MYPOP: variants seen among roughly 807,000 people sequenced by gnomAD.
The protein encoded by MYPOP is Myb related transcription factor, partner of profilin, also known as myb-related transcription factor, partner of profilin.
Under a neutral mutation model 25.7 loss-of-function variants are expected in MYPOP, and 21 were observed. The ratio of observed to expected loss-of-function variants is 0.82; its 90% CI spans 0.58 to 1.18. The LOEUF (loss-of-function observed/expected upper bound fraction) is 1.18, where lower values mean the gene tolerates loss of function less well. Ranked by LOEUF, MYPOP falls within the 50% of genes most tolerant of loss-of-function variation. The pLI, the probability that MYPOP is intolerant of heterozygous loss-of-function variation, is 0.00. For missense variants in MYPOP, 566 were observed against 588.3 expected, an observed-to-expected ratio of 0.96 and a Z score of 0.39; for synonymous variants, 280 against 247.9, an observed-to-expected ratio of 1.13 and a Z score of -1.22.
chr19:45,899,243 A>C (rs2146381388), intron 2 of MYPOP, among the ~76,000 whole-genome samples: 1 of 152,226 alleles, frequency 6.6e-6, no homozygotes, highest in Middle Eastern at 3.4e-3. Context: ...ACAAACAAAC[A>C]AGCAAACAAA....
At chr19:45,891,352 T>C in intron 2 of MYPOP, 29 bp from the exon 3 acceptor site, 8 of 1,438,628 alleles carry the variant, frequency 5.6e-6, no homozygotes, top group Non-Finnish European at 7.3e-6. Context: ...AGGTAAGGGG[T>C]GAGCGACCCT....
Position 45,892,744 on chromosome 19 carries a change from T to A in MYPOP, c.500-1421A>T, listed in dbSNP as rs58749413. 2.7e-3 allele frequency among the ~76,000 whole-genome samples: 409 copies of A among 152,186 alleles called. 1 individual carries two copies. Among genetic ancestry groups the A allele is most frequent in the African/African-American group, 9.4e-3 (391 of 41,522 alleles). On this transcript the variant is annotated intron_variant, in intron 2 of 2. Transcript: ENST00000322217. ...CGTCTCTGCCTTCAAATTAAATACA[T>A]ACAACTTCTTTCTTCCTGGTCCCCC...
Position 45,901,452 on chromosome 19 carries a change from C to G in MYPOP, c.322G>C (p.Ala108Pro). Residue 108 changes from alanine (A) to proline (P), a missense_variant, in exon 2 of 3, where the codon GCT becomes CCT. Physicochemically the swap from Ala to Pro is conservative, Grantham distance 27. Coordinates refer to ENST00000322217, the MANE Select transcript of MYPOP (RefSeq NM_001012643.4). This position sits in a 1 kb window ranked among gnomAD's most constrained non-coding sequence, Gnocchi z 5.7. ...TQGAGPAAED[A>P]FSAEEETIFA... ...ATGGTCTCCTCTTCCGCGGAGAAAG[C>G]GTCCTCCGCGGCGGGCCCGGCGCCC... 3 of 1,594,984 alleles carry G rather than the reference C, an allele frequency of 1.9e-6. No homozygotes were observed. Among genetic ancestry groups the G allele is most frequent in the South Asian group, 1.1e-5 (1 of 89,276 alleles).
In MYPOP at chr19:45,896,711, C is replaced by T. The variant is rs995160484; in HGVS notation, c.499+4564G>A. Among the ~76,000 whole-genome samples, 157 of 151,490 alleles carry T rather than the reference C, an allele frequency of 1.0e-3. 1 individual carries two copies. The highest frequency in any genetic ancestry group is 1.6e-3 in the Non-Finnish European group (109 of 67,810). Reference sequence around the variant, plus strand: ...CGCAATCTCGGCTCACTGCAAGCTCCGCTTCCCGGGTTCACGCCATTCTCC... The same window carrying T: ...CGCAATCTCGGCTCACTGCAAGCTCTGCTTCCCGGGTTCACGCCATTCTCC... On this transcript the variant is annotated intron_variant, in intron 2 of 2. Coordinates refer to ENST00000322217, the MANE Select transcript of MYPOP (RefSeq NM_001012643.4).
chr19:45,902,592 G>A lies in MYPOP; in HGVS notation c.-75C>T, dbSNP rs942736262. ...CACCGGCTCCGCCGCAGCCGCCGGT[G>A]GGTCAGGGCTCGGGCTTCTGCGGCC... On this transcript the variant is annotated 5_prime_UTR_variant, in exon 1 of 3. Coordinates refer to ENST00000322217, the MANE Select transcript of MYPOP (RefSeq NM_001012643.4). 2.6e-5 allele frequency: 4 copies of A among 152,240 alleles called. No homozygotes were observed. The highest frequency in any genetic ancestry group is 9.7e-5 in the African/African-American group (4 of 41,442). The allele number at this position is 152,240 out of a possible 1,614,324, so 9.4% of individuals were successfully genotyped here.
chr19:45,899,833 T>G (rs1001571189), intron 2 of MYPOP, among the ~76,000 whole-genome samples: 3 of 152,104 alleles, frequency 2.0e-5, no homozygotes, highest in African/African-American at 7.2e-5. Context: ...AGAGCAAGAC[T>G]CCGTCTCAAA....
intron 2 of MYPOP, among the ~76,000 whole-genome samples, chr19:45,898,821 A>C (rs1167183330): frequency 6.6e-6 from 1 of 152,090 alleles, no homozygotes; most frequent in African/African-American, 2.4e-5. Flanking sequence ...GCCCCCTTCC[A>C]TGACTCACCA....
In MYPOP at chr19:45,890,343, C is replaced by A. The variant is rs1413591293; in HGVS notation, c.*280G>T. On this transcript the variant is annotated 3_prime_UTR_variant, in exon 3 of 3. Transcript: ENST00000322217. ...GCAGACCCGAGAGGTTCCCTCCCCA[C>A]CCCACATAGGGCAATAATAAATAAC... is the stretch of plus-strand genomic sequence containing the variant. 7.7e-5 allele frequency: 28 copies of A among 362,236 alleles called. No individual in the cohort carries two copies. 22.4% of individuals were successfully genotyped at this position (362,236 alleles called of 1,614,324 possible). A position where few individuals can be genotyped will look rare whatever the true frequency, so the allele number is the denominator to read the frequency against.
rs533343589 is a variant in MYPOP, at chr19:45,901,178, G to A, written c.499+97C>T. On this transcript the variant is annotated intron_variant, in intron 2 of 2. Coordinates refer to ENST00000322217, the MANE Select transcript of MYPOP (RefSeq NM_001012643.4). This position sits in a 1 kb window ranked among gnomAD's most constrained non-coding sequence, Gnocchi z 5.7. ...TCCCTAGCTATAAAATGGGGCGAAGGACAGCATCCACCTCACAGGGCTGCA... is the reference window on the plus strand; with the variant it reads ...TCCCTAGCTATAAAATGGGGCGAAGAACAGCATCCACCTCACAGGGCTGCA... The A allele has an allele frequency of 6.8e-6, 8 of 1,175,734 alleles. No individual in the cohort carries two copies. The African/African-American group carries it at 9.6e-5, about 14-fold the overall frequency. The allele number at this position is 1,175,734 out of a possible 1,614,324, so 72.8% of individuals were successfully genotyped here. A position where few individuals can be genotyped will look rare whatever the true frequency, so the allele number is the denominator to read the frequency against.
rs1967301837 is a variant in MYPOP at position 45,901,833 on chromosome 19, C to A, written c.-52-8G>T. On this transcript the variant is annotated splice_polypyrimidine_tract_variant and splice_region_variant and intron_variant, in intron 1 of 2. Coordinates refer to ENST00000322217, the MANE Select transcript of MYPOP (RefSeq NM_001012643.4). The surrounding 1 kb of genome is among the most constrained non-coding windows in gnomAD (Gnocchi z 5.7). The stretch of plus-strand genomic sequence containing the variant: ...GCATGGGGGGCGCCGGCGCTGCGGG[C>A]AAAGGGCGCACGGGGCTGGCTGGGG... 7 of 1,308,924 alleles carry A rather than the reference C, an allele frequency of 5.3e-6. No individual in the cohort carries two copies. In the East Asian group the frequency reaches 1.3e-4, roughly 24 times the overall value. 81.1% of individuals were successfully genotyped at this position (1,308,924 alleles called of 1,614,324 possible).
chr19:45,902,372 G>A (rs1967314695), intron 1 of MYPOP, among the ~76,000 whole-genome samples, 198 bp downstream of exon 1: 1 of 152,106 alleles, frequency 6.6e-6, no homozygotes, highest in Non-Finnish European at 1.5e-5. Flanking sequence ...CTGTATCACT[G>A]GAAGAGCTGG....
chr19:45,899,314 C>T (rs1292263505), intron 2 of MYPOP, among the ~76,000 whole-genome samples: 1 of 152,184 alleles, frequency 6.6e-6, no homozygotes, highest in African/African-American at 2.4e-5. Context: ...TTATTCCCTG[C>T]ACCTACCACA....
At position 45,898,964 on chromosome 19, in the gene MYPOP, C is replaced by A. The variant is rs758379532; in HGVS notation, c.499+2311G>T. ...GCTCCAGGTCGGGTGTGGTGGCTCA[C>A]GCCTGTAATCCCAGCACTTTGGGTG... On this transcript the variant is annotated intron_variant, in intron 2 of 2. Transcript: ENST00000322217. Among the ~76,000 whole-genome samples, 3 of 152,108 alleles carry A rather than the reference C, an allele frequency of 2.0e-5. No homozygotes were observed. The South Asian group carries it at 6.2e-4, about 31-fold the overall frequency.
Position 45,901,372 on chromosome 19 carries a change from C to T in MYPOP, c.402G>A (p.Glu134=). The part of the protein sequence containing the change: ...VAAPGAGAGA[E]EPPAAPSSQP... ...GTGAAGAGGGGGCCGCAGGGGGCTC[C>T]TCCGCCCCAGCACCTGCCCCCGGCG... The change falls in exon 2 of 3, where the codon GAG becomes GAA. Residue 134 remains glutamate, a synonymous_variant. Transcript: ENST00000322217. This position sits in a 1 kb window ranked among gnomAD's most constrained non-coding sequence, Gnocchi z 5.7. 1 of 1,487,518 alleles carries T rather than the reference C, an allele frequency of 6.7e-7. No individual in the cohort carries two copies. The highest frequency in any genetic ancestry group is 8.9e-7 in the Non-Finnish European group (1 of 1,118,210). The allele number at this position is 1,487,518 out of a possible 1,614,324, so 92.1% of individuals were successfully genotyped here.
intron 2 of MYPOP, among the ~76,000 whole-genome samples, chr19:45,899,145 G>A (rs966544151): frequency 7.9e-5 from 12 of 152,344 alleles, no homozygotes; most frequent in Admixed American, 7.8e-4. Flanking sequence ...AGAATTGCTT[G>A]AACCTGGGAG....
At chr19:45,899,350 A>G in intron 2 of MYPOP, among the ~76,000 whole-genome samples, 1 of 152,182 alleles carries the variant, frequency 6.6e-6, no homozygotes, top group East Asian at 1.9e-4. Context: ...GAGGTTCTCA[A>G]TATATATTTG....
intron 2 of MYPOP, among the ~76,000 whole-genome samples, chr19:45,892,001 CCT>C (rs1568641959): frequency 6.6e-6 from 1 of 151,868 alleles, no homozygotes; most frequent in African/African-American, 2.4e-5. Flanking sequence ...CTCACTGCAA[CCT>C]CTGTCTTCCG....
At chr19:45,900,413 TCTGATGTCC>T (rs1967269800) in intron 2 of MYPOP, among the ~76,000 whole-genome samples, 2 of 151,668 alleles carry the variant, frequency 1.3e-5, no homozygotes, top group African/African-American at 4.8e-5. Flanking sequence ...GCATCTCAGC[TCTGATGTCC>T]CCTCCTCCAG....
chr19:45,890,462 G>C lies in MYPOP; in HGVS notation c.*161C>G, dbSNP rs553747857. The C allele has an allele frequency of 7.2e-4, 867 of 1,206,062 alleles. 18 individuals are homozygous for C. In the East Asian group the frequency reaches 0.024, roughly 34 times the overall value. 74.7% of individuals were successfully genotyped at this position (1,206,062 alleles called of 1,614,324 possible). On this transcript the variant is annotated 3_prime_UTR_variant, in exon 3 of 3. Transcript: ENST00000322217. ...GGGGTTGGGGGGGCCCATTACTGAG[G>C]CCCCCCCCAGAGAATCAGGCACTAA...
Sources: gnomAD v4.1 joint callset for allele counts (sites outside exome capture counted in the v4.1 genomes callset) on GRCh38, gnomAD v4.1.1 for gene constraint, Gnocchi (gnomAD v3.1) non-coding constraint, MANE v1.5 for transcripts, NCBI Gene and HGNC (gene_info 2026-07-23, HGNC 2026-07-21) for gene names.